The following TPRKB variants were observed in gnomAD, a reference collection of about 807,000 sequenced individuals.
The protein encoded by TPRKB is TP53RK binding protein, also known as EKC/KEOPS complex subunit TPRKB.
A neutral mutation model predicts 17.8 loss-of-function variants in TPRKB; 11 were observed. The observed-to-expected ratio is 0.62, with a 90% CI of 0.39 to 1.02. TPRKB has a LOEUF of 1.02. TPRKB is among the 50% of genes least tolerant of loss of function. TPRKB has a pLI of 0.00. For missense variants in TPRKB, 228 were observed against 198.0 expected (o/e 1.15, Z -0.91); for synonymous variants, 71 against 69.5 (o/e 1.02, Z -0.11).
At chr2:73,735,332 CA>C (rs35805651) in intron 1 of TPRKB, among the ~76,000 whole-genome samples, 86,562 of 144,938 alleles carry the variant, frequency 0.6, 25,949 homozygotes, top group Middle Eastern at 0.69. Flanking sequence ...AACTCCGTCT[CA>C]AAAAAAAAAA....
chr2:73,732,520 G>A, intron 2 of TPRKB: 2 of 436,420 alleles, frequency 4.6e-6, no homozygotes, highest in South Asian at 5.7e-5. Flanking sequence ...AGACCAGCCT[G>A]GCCAACACGG....
intron 1 of TPRKB, 60 bp from the exon 2 acceptor site, chr2:73,734,651 T>C: frequency 5.8e-6 from 8 of 1,387,008 alleles, no homozygotes; most frequent in Non-Finnish European, 7.8e-6. Flanking sequence ...AGAACTCATT[T>C]CTTAATAAAT....
At chr2:73,735,157 C>T (rs1410491218) in intron 1 of TPRKB, among the ~76,000 whole-genome samples, 3 of 151,958 alleles carry the variant, frequency 2.0e-5, no homozygotes, top group Non-Finnish European at 2.9e-5. Context: ...GGAGAAACCC[C>T]GTCTCTACTA....
intron 3 of TPRKB, chr2:73,730,982 A>G (rs1265385440): frequency 3.3e-6 from 1 of 306,676 alleles, no homozygotes; most frequent in Non-Finnish European, 5.9e-6. Flanking sequence ...TTGGCGCTGC[A>G]CAAAAACACC....
chr2:73,735,231 C>T (rs1321865497), intron 1 of TPRKB, among the ~76,000 whole-genome samples: 1 of 151,960 alleles, frequency 6.6e-6, no homozygotes, highest in Non-Finnish European at 1.5e-5. Flanking sequence ...ACTCAGGAGG[C>T]TGAGGCAGAA....
In TPRKB at chr2:73,730,643, CTTGAT is replaced by C. The variant is rs776195329; in HGVS notation, c.353_357del (p.Asn118ArgfsTer19). The C allele has an allele frequency of 5.0e-6, 8 of 1,590,320 alleles. No homozygotes were observed. The highest frequency in any genetic ancestry group is 2.3e-5 in the East Asian group (1 of 43,534). Reference sequence around the variant, plus strand: ...CCTTCTACTTGAGATATTAGGTATTCTTGATTTATTTGTTTTTCTCCCTCTTCAAT... The same window carrying C: ...CCTTCTACTTGAGATATTAGGTATTCTTATTTGTTTTTCTCCCTCTTCAAT... On this transcript the variant is annotated frameshift_variant, in exon 4 of 5. Transcript: ENST00000272424. LOFTEE classifies it high-confidence loss of function.
chr2:73,730,141 G>A (rs1671530529), intron 4 of TPRKB, 112 bp from the exon 5 acceptor site: 1 of 1,240,008 alleles, frequency 8.1e-7, no homozygotes, highest in African/African-American at 1.5e-5. Context: ...TTGGGTTCAT[G>A]GTATAACAAA....
intron 1 of TPRKB, among the ~76,000 whole-genome samples, chr2:73,736,599 A>G (rs1043934293): frequency 1.3e-5 from 2 of 152,180 alleles, no homozygotes; most frequent in African/African-American, 4.8e-5. Context: ...TCTAATCCGT[A>G]AAGTCCTGAA....
At position 73,734,421 on chromosome 2, in the gene TPRKB, A is replaced by G. The variant is rs1432462524; in HGVS notation, c.141+8T>C. On this transcript the variant is annotated splice_region_variant and intron_variant, in intron 2 of 4. Coordinates refer to ENST00000272424, the MANE Select transcript of TPRKB (RefSeq NM_016058.5). ...GCAGGCTCATTCATTCTTAAAATTT[A>G]TATTTACCACTGTAGGATTTATCAG... is the stretch of plus-strand genomic sequence containing the variant. 4.4e-6 allele frequency: 7 copies of G among 1,606,038 alleles called. No homozygotes were observed. Among genetic ancestry groups the G allele is most frequent in the African/African-American group, 1.3e-5 (1 of 74,432 alleles).
chr2:73,730,260 T>C, intron 4 of TPRKB: 1 of 448,258 alleles, frequency 2.2e-6, no homozygotes, highest in East Asian at 4.4e-5. Context: ...CAAATTTCTA[T>C]CCATTTTAAA....
In TPRKB at chr2:73,730,626, TTGAGA is replaced by T. The variant is rs1406507749; in HGVS notation, c.370_374del (p.Gln125ArgfsTer12). 4 of 1,593,966 alleles carry T rather than the reference TTGAGA, an allele frequency of 2.5e-6. No individual in the cohort carries two copies. Among genetic ancestry groups the T allele is most frequent in the East Asian group, 2.3e-5 (1 of 44,076 alleles). On this transcript the variant is annotated frameshift_variant, in exon 4 of 5. Coordinates refer to ENST00000272424, the MANE Select transcript of TPRKB (RefSeq NM_016058.5). LOFTEE classifies it high-confidence loss of function. ...TCAGAGAAACCTGATGACCTTCTAC[TTGAGA>T]TATTAGGTATTCTTGATTTATTTGT...
Position 73,729,948 on chromosome 2 carries a change from A to G in TPRKB, c.523T>C (p.Leu175=), listed in dbSNP as rs777224613. 1 of 1,560,228 alleles carries G rather than the reference A, an allele frequency of 6.4e-7. No individual in the cohort carries two copies. Among genetic ancestry groups the G allele is most frequent in the Non-Finnish European group, 8.7e-7 (1 of 1,150,014 alleles). Residue 175 remains leucine (L), a synonymous_variant, in exon 5 of 5, where the codon TTA becomes CTA. Transcript: ENST00000272424. ...TTGTTAATATTTCTGACATTTCATA[A>G]AACATCTTTTGTTGACATTCTACAA... is the stretch of plus-strand genomic sequence containing the variant. ...IICRMSTKDV[L] is the part of the protein sequence containing the mutation.
At chr2:73,731,476 C>CTGAGA (rs1671607692) in intron 3 of TPRKB, among the ~76,000 whole-genome samples, 1 of 152,160 alleles carries the variant, frequency 6.6e-6, no homozygotes, top group Non-Finnish European at 1.5e-5. Context: ...TATTACCATG[C>CTGAGA]TGAGATAACT....
In TPRKB at chr2:73,730,021, T is replaced by A. The variant is rs1242114278; in HGVS notation, c.450A>T (p.Lys150Asn). 1 of 1,562,688 alleles carries A rather than the reference T, an allele frequency of 6.4e-7. No homozygotes were observed. The highest frequency in any genetic ancestry group is 1.9e-5 in the Admixed American group (1 of 51,472). Residue 150 changes from lysine to asparagine, a missense_variant, in exon 5 of 5, where the codon AAA (lysine) becomes AAT (asparagine). Coordinates refer to ENST00000272424, the MANE Select transcript of TPRKB (RefSeq NM_016058.5). ...MNITEVKKIY[K>N]LSSQEESIGT... The stretch of plus-strand genomic sequence containing the variant: ...CAATACTTTCTTCTTGTGAAGAGAG[T>A]TTATATATCTGTAAAAATGAAAGAC...
intron 1 of TPRKB, among the ~76,000 whole-genome samples, chr2:73,736,002 G>A (rs1158160899): frequency 1.3e-5 from 2 of 152,140 alleles, no homozygotes; most frequent in African/African-American, 4.8e-5. Context: ...ATAACATTAA[G>A]TAAGTAAAAA....
At chr2:73,736,021 T>A (rs940983661) in intron 1 of TPRKB, among the ~76,000 whole-genome samples, 10 of 152,112 alleles carry the variant, frequency 6.6e-5, no homozygotes, top group Admixed American at 3.3e-4. Flanking sequence ...AACATCTGAA[T>A]GGAAAACAAA....
intron 2 of TPRKB, among the ~76,000 whole-genome samples, chr2:73,733,246 G>GTTTTTTTTTTTTT (rs3076394): frequency 8.4e-6 from 1 of 119,378 alleles, no homozygotes. Flanking sequence ...CGTGTGCCCT[G>GTTTTTTTTTTTTT]TTTTTTTGTT....
At chr2:73,730,347 G>A (rs1186598673) in intron 4 of TPRKB, 2 of 454,316 alleles carry the variant, frequency 4.4e-6, no homozygotes, top group Admixed American at 4.4e-5. Context: ...TCTTAATGTG[G>A]AGAATGGTTA....
chr2:73,731,375 T>A (rs1186577029), intron 3 of TPRKB, among the ~76,000 whole-genome samples: 1 of 152,236 alleles, frequency 6.6e-6, no homozygotes, highest in Non-Finnish European at 1.5e-5. Context: ...GTTCAACAGA[T>A]GTTTACTGAA....
Sources: allele counts gnomAD v4.1 joint callset (sites outside exome capture counted in the v4.1 genomes callset), GRCh38; gene constraint gnomAD v4.1.1; transcripts MANE v1.5; gene names NCBI Gene and HGNC (gene_info 2026-07-23, HGNC 2026-07-21).